LHX8: variants seen among roughly 807,000 people sequenced by gnomAD.
The protein encoded by LHX8 is LIM homeobox 8, also known as LIM/homeobox protein Lhx8.
In LHX8, 12 loss-of-function variants were observed where a neutral mutation model predicts 40.3. The observed-to-expected ratio is 0.30, with a 90% CI of 0.19 to 0.48. The LOEUF (loss-of-function observed/expected upper bound fraction) is 0.48. LHX8 is among the 20% of genes least tolerant of loss of function. The pLI, the probability that LHX8 is intolerant of heterozygous loss-of-function variation, is 0.99. For synonymous variants in LHX8, 179 were observed against 162.0 expected, an observed-to-expected ratio of 1.10 and a Z score of -0.80; for missense variants, 344 against 433.7, an observed-to-expected ratio of 0.79 and a Z score of 1.84.
At chr1:75,198,874 A>G in the LHX8 span, among the ~76,000 whole-genome samples, 1 of 152,300 alleles carries the variant, frequency 6.6e-6, no homozygotes, top group African/African-American at 2.4e-5. Flanking sequence ...CTGAAAAAGA[A>G]TCCATCTTGG....
chr1:75,171,304 C>T, the LHX8 span, among the ~76,000 whole-genome samples: 1 of 152,142 alleles, frequency 6.6e-6, no homozygotes, highest in Admixed American at 6.5e-5. Context: ...CCAACATCTA[C>T]ATATTTTTCA....
downstream of LHX8, among the ~76,000 whole-genome samples, chr1:75,165,405 C>T (rs1477519675): frequency 1.3e-5 from 2 of 152,076 alleles, no homozygotes; most frequent in African/African-American, 4.8e-5. Flanking sequence ...CCTTGAGTTT[C>T]ATAAGAAATA....
the LHX8 span, among the ~76,000 whole-genome samples, chr1:75,184,543 G>T: frequency 6.6e-6 from 1 of 152,168 alleles, no homozygotes; most frequent in South Asian, 2.1e-4. Flanking sequence ...TGAAATTAAG[G>T]CAGAAATCAA....
the LHX8 span, among the ~76,000 whole-genome samples, chr1:75,169,275 G>GCT: frequency 1.3e-5 from 2 of 152,208 alleles, no homozygotes; most frequent in Non-Finnish European, 2.9e-5. Context: ...GAATGAGACA[G>GCT]CTTGACTCTG....
chr1:75,168,459 G>A, the LHX8 span, among the ~76,000 whole-genome samples: 3 of 152,002 alleles, frequency 2.0e-5, no homozygotes, highest in African/African-American at 4.8e-5. Context: ...GCTCCTGATC[G>A]TAGATGATCC....
At chr1:75,191,957 GA>G in the LHX8 span, among the ~76,000 whole-genome samples, 1 of 151,800 alleles carries the variant, frequency 6.6e-6, no homozygotes, top group African/African-American at 2.4e-5. Context: ...ATGAAAAGGA[GA>G]AAAAATATGT....
intron 7 of LHX8, 145 bp downstream of exon 7, chr1:75,148,827 C>CCACT: frequency 1.5e-6 from 1 of 648,690 alleles, no homozygotes; most frequent in Non-Finnish European, 2.8e-6. Flanking sequence ...ACAGGATGAG[C>CCACT]CACTGTACCT....
At chr1:75,155,065 G>A (rs1338028502) in intron 7 of LHX8, among the ~76,000 whole-genome samples, 1 of 151,970 alleles carries the variant, frequency 6.6e-6, no homozygotes, top group African/African-American at 2.4e-5. Flanking sequence ...CCTACCACCA[G>A]CCTTGAACAG....
At chr1:75,177,197 C>G in the LHX8 span, among the ~76,000 whole-genome samples, 2 of 151,998 alleles carry the variant, frequency 1.3e-5, no homozygotes, top group Admixed American at 6.6e-5. Context: ...GTAGTTTTTT[C>G]CAATTCTGTG....
At chr1:75,174,867 G>T in the LHX8 span, among the ~76,000 whole-genome samples, 1 of 151,398 alleles carries the variant, frequency 6.6e-6, no homozygotes, top group Non-Finnish European at 1.5e-5. Flanking sequence ...GGTGATGTTT[G>T]GTTGTATGAA....
At chr1:75,170,645 A>G in the LHX8 span, among the ~76,000 whole-genome samples, 1 of 152,196 alleles carries the variant, frequency 6.6e-6, no homozygotes, top group Non-Finnish European at 1.5e-5. Flanking sequence ...TAAGATACTC[A>G]AGAGTCAACT....
intron 4 of LHX8, among the ~76,000 whole-genome samples, chr1:75,142,592 T>C (rs1648345073): frequency 6.6e-6 from 1 of 152,210 alleles, no homozygotes; most frequent in African/African-American, 2.4e-5. Flanking sequence ...ATTTCTGTTA[T>C]ATACATTCTT....
chr1:75,146,607 A>C (rs1479635552), intron 6 of LHX8, among the ~76,000 whole-genome samples: 4 of 152,162 alleles, frequency 2.6e-5, no homozygotes, highest in Non-Finnish European at 5.9e-5. Flanking sequence ...CTCCTTGTCC[A>C]CGTTAGAAGA....
At chr1:75,188,689 G>A in the LHX8 span, among the ~76,000 whole-genome samples, 5 of 152,120 alleles carry the variant, frequency 3.3e-5, no homozygotes, top group Non-Finnish European at 7.3e-5. Flanking sequence ...TTCTCCATCG[G>A]AAAATTAACC....
chr1:75,179,502 G>GTT, the LHX8 span, among the ~76,000 whole-genome samples: 580 of 108,430 alleles, frequency 5.3e-3, 15 homozygotes, highest in South Asian at 0.016. Flanking sequence ...AACCCCTGTT[G>GTT]TTTTTTTTTT....
At chr1:75,185,909 G>A in the LHX8 span, among the ~76,000 whole-genome samples, 1,615 of 152,138 alleles carry the variant, frequency 0.011, 35 homozygotes, top group African/African-American at 0.037. Context: ...TAATAGCCAA[G>A]CCAAGAGCCA....
the LHX8 span, among the ~76,000 whole-genome samples, chr1:75,192,886 G>T: frequency 2.6e-5 from 4 of 152,000 alleles, no homozygotes; most frequent in South Asian, 4.2e-4. Flanking sequence ...AGAGACGGGG[G>T]TTTTGCCATG....
At chr1:75,150,541 G>A (rs1440273447) in intron 7 of LHX8, among the ~76,000 whole-genome samples, 5 of 152,108 alleles carry the variant, frequency 3.3e-5, no homozygotes, top group Non-Finnish European at 7.3e-5. Flanking sequence ...TAAATGGGAC[G>A]TAGTAACAGC....
At chr1:75,136,553 C>T in intron 1 of LHX8, 50 bp from the exon 2 acceptor site, 2 of 1,365,918 alleles carry the variant, frequency 1.5e-6, no homozygotes, top group Non-Finnish European at 2.0e-6. Flanking sequence ...GCAGCACGCT[C>T]GGAACTTCTG....
Sources: allele counts gnomAD v4.1 joint callset (sites outside exome capture counted in the v4.1 genomes callset), GRCh38; gene constraint gnomAD v4.1.1; transcripts MANE v1.5; gene names NCBI Gene and HGNC (gene_info 2026-07-23, HGNC 2026-07-21).